CFAP44: variants seen among roughly 807,000 people sequenced by gnomAD.
CFAP44 encodes cilia- and flagella-associated protein 44.
In CFAP44, 134 loss-of-function variants were observed where a neutral mutation model predicts 216.2. The observed-to-expected ratio is 0.62, with a 90% CI of 0.54 to 0.72. CFAP44 has a LOEUF of 0.72. CFAP44 is among the 30% of genes least tolerant of loss of function. CFAP44 has a pLI of 0.00. For missense variants in CFAP44, 2,035 were observed against 2,182.1 expected (o/e 0.93, Z 1.34); for synonymous variants, 700 against 727.6 (o/e 0.96, Z 0.61).
At chr3:113,381,732 T>C (rs1308244367) in intron 15 of CFAP44, among the ~76,000 whole-genome samples, 5 of 152,262 alleles carry the variant, frequency 3.3e-5, no homozygotes, top group Non-Finnish European at 7.3e-5. Context: ...TTTATTCATT[T>C]GGTTATTTCA....
intron 32 of CFAP44, among the ~76,000 whole-genome samples, chr3:113,298,800 A>G (rs529206845): frequency 1.3e-5 from 2 of 152,320 alleles, no homozygotes; most frequent in Admixed American, 1.3e-4. Context: ...GTTCACAGAG[A>G]CAGAAAGTAG....
intron 4 of CFAP44, among the ~76,000 whole-genome samples, chr3:113,424,979 G>T (rs540261648): frequency 6.6e-6 from 1 of 152,204 alleles, no homozygotes; most frequent in East Asian, 1.9e-4. Context: ...GTCCCGGAAG[G>T]CATCAGAGCA....
At chr3:113,317,217 A>G (rs1950096497) in intron 28 of CFAP44, among the ~76,000 whole-genome samples, 1 of 152,220 alleles carries the variant, frequency 6.6e-6, no homozygotes, top group Non-Finnish European at 1.5e-5. Context: ...GTGACCTGGC[A>G]GGGGGATCTC....
intron 13 of CFAP44, among the ~76,000 whole-genome samples, chr3:113,397,511 C>A (rs1934021836): frequency 6.6e-6 from 1 of 152,092 alleles, no homozygotes; most frequent in African/African-American, 2.4e-5. Context: ...CAGATTTGCT[C>A]ATTTTAAAAT....
intron 22 of CFAP44, among the ~76,000 whole-genome samples, chr3:113,350,931 C>A (rs1318157693): frequency 6.6e-6 from 1 of 152,190 alleles, no homozygotes; most frequent in African/African-American, 2.4e-5. Context: ...GGTTGCCATA[C>A]AGGGGTCTGA....
chr3:113,400,037 T>G, intron 12 of CFAP44, 37 bp from the exon 13 acceptor site: 1 of 1,375,640 alleles, frequency 7.3e-7, no homozygotes, highest in Non-Finnish European at 9.8e-7. Flanking sequence ...AAAAATTATA[T>G]ACATAATTTT....
At chr3:113,348,018 C>T (rs1950404625) in intron 22 of CFAP44, among the ~76,000 whole-genome samples, 1 of 152,172 alleles carries the variant, frequency 6.6e-6, no homozygotes, top group Non-Finnish European at 1.5e-5. Context: ...TTCCTCTGTC[C>T]TCCTTGTGGT....
At chr3:113,363,106 C>A (rs2107314160) in intron 21 of CFAP44, 39 bp downstream of exon 21, 1 of 1,512,320 alleles carries the variant, frequency 6.6e-7, no homozygotes, top group African/African-American at 1.4e-5. Context: ...CCAGAAATAG[C>A]ATATGTTAAA....
chr3:113,438,235 G>C (rs1935281714), intron 1 of CFAP44, among the ~76,000 whole-genome samples: 1 of 152,104 alleles, frequency 6.6e-6, no homozygotes, highest in Non-Finnish European at 1.5e-5. Flanking sequence ...TAAAATCATG[G>C]AATCTTCAGA....
At chr3:113,365,918 G>A (rs1241797657) in intron 19 of CFAP44, 121 bp downstream of exon 19, 2 of 1,112,628 alleles carry the variant, frequency 1.8e-6, no homozygotes, top group Admixed American at 2.5e-5. Flanking sequence ...GTAGCAGGAA[G>A]ATTAGACCAT....
chr3:113,356,666 C>T (rs995238922), intron 22 of CFAP44, among the ~76,000 whole-genome samples: 1 of 152,110 alleles, frequency 6.6e-6, no homozygotes, highest in Non-Finnish European at 1.5e-5. Flanking sequence ...CATGATCTCA[C>T]ACCACCCATA....
At chr3:113,292,255 C>T (rs1949837022) in intron 34 of CFAP44, among the ~76,000 whole-genome samples, 1 of 152,166 alleles carries the variant, frequency 6.6e-6, no homozygotes, top group Non-Finnish European at 1.5e-5. Flanking sequence ...CTATAATTTA[C>T]AGAATATTAC....
intron 28 of CFAP44, among the ~76,000 whole-genome samples, chr3:113,309,597 C>T (rs1576540647): frequency 6.6e-6 from 1 of 152,248 alleles, no homozygotes; most frequent in East Asian, 1.9e-4. Context: ...GGGTTGTAGA[C>T]CTTTCCACTC....
intron 23 of CFAP44, among the ~76,000 whole-genome samples, chr3:113,343,314 T>A (rs1250408131): frequency 6.6e-6 from 1 of 152,108 alleles, no homozygotes; most frequent in Non-Finnish European, 1.5e-5. Flanking sequence ...TCACCTGCCT[T>A]GGCCTCCCAA....
chr3:113,326,365 A>G (rs1950189587), intron 28 of CFAP44, 80 bp downstream of exon 28: 1 of 1,296,596 alleles, frequency 7.7e-7, no homozygotes, highest in Non-Finnish European at 1.0e-6. Context: ...AAAATAAGGT[A>G]TCTAATAGGT....
chr3:113,395,795 A>G lies in CFAP44; in HGVS notation c.1845T>C (p.Asn615=). The change falls in exon 15 of 35, where the codon AAT becomes AAC. Residue 615 remains asparagine, a synonymous_variant. Coordinates refer to ENST00000393845, the MANE Select transcript of CFAP44 (RefSeq NM_001164496.2). ...TTAACTGACACACAGGTCCAGGAGT[A>G]TTAATATAACCAATCGGCTTATAAT... ...ERDYKPIGYI[N]TPGPVCQLMW... The G allele has an allele frequency of 6.2e-7, 1 of 1,613,920 alleles. No individual in the cohort carries two copies. The highest frequency in any genetic ancestry group is 1.1e-5 in the South Asian group (1 of 91,028).
At chr3:113,342,832 A>G (rs573959030) in intron 23 of CFAP44, among the ~76,000 whole-genome samples, 1 of 148,546 alleles carries the variant, frequency 6.7e-6, no homozygotes, top group Non-Finnish European at 1.5e-5. Context: ...TCTGCTAAAA[A>G]TACATAAAAA....
At chr3:113,364,312 C>T (rs140315044) in intron 19 of CFAP44, among the ~76,000 whole-genome samples, 42 of 152,170 alleles carry the variant, frequency 2.8e-4, no homozygotes, top group Admixed American at 1.1e-3. Flanking sequence ...AGATAGGTCT[C>T]TGTTTTGCTG....
intron 22 of CFAP44, among the ~76,000 whole-genome samples, chr3:113,345,064 T>C (rs996118994): frequency 6.7e-6 from 1 of 148,530 alleles, no homozygotes; most frequent in African/African-American, 2.4e-5. Flanking sequence ...CCCTACATAT[T>C]ATATATAATA....
Sources: allele counts gnomAD v4.1 joint callset (sites outside exome capture counted in the v4.1 genomes callset), GRCh38; gene constraint gnomAD v4.1.1; transcripts MANE v1.5; gene names NCBI Gene and HGNC (gene_info 2026-07-23, HGNC 2026-07-21).